Variants in PAK1 observed in about 807,000 individuals in gnomAD.
PAK1 encodes the protein serine/threonine-protein kinase PAK 1.
PAK1 carries 29 observed loss-of-function variants against 67.4 expected under a neutral mutation model. The ratio of observed to expected loss-of-function variants is 0.43; its 90% confidence interval spans 0.32 to 0.59. The LOEUF is 0.59. Ranked by LOEUF, PAK1 falls within the 20% of genes least tolerant of loss-of-function variation. The pLI, the probability that PAK1 is intolerant of heterozygous loss-of-function variation, is 0.07. For synonymous variants in PAK1, 223 were observed against 237.4 expected (o/e 0.94, Z 0.56); for missense variants, 337 against 670.7 (o/e 0.50, Z 5.50).
intron 14 of PAK1, among the ~76,000 whole-genome samples, chr11:77,328,801 A>G (rs1408212950): frequency 6.6e-6 from 1 of 152,144 alleles, no homozygotes; most frequent in African/African-American, 2.4e-5. Context: ...AACTGAAGGA[A>G]ATAGAGACAC....
At chr11:77,517,367 C>G in the PAK1 span, among the ~76,000 whole-genome samples, 1 of 152,162 alleles carries the variant, frequency 6.6e-6, no homozygotes, top group Non-Finnish European at 1.5e-5. Flanking sequence ...CTAGGTCTGC[C>G]CCACTGTGTA....
the PAK1 span, among the ~76,000 whole-genome samples, chr11:77,525,182 C>CAAAAA: frequency 3.7e-5 from 4 of 107,116 alleles, no homozygotes; most frequent in Admixed American, 2.0e-4. Context: ...CCACCCCTAT[C>CAAAAA]AAAAAAAAAA....
At chr11:77,352,805 A>G (rs1945451766) in intron 8 of PAK1, among the ~76,000 whole-genome samples, 1 of 152,190 alleles carries the variant, frequency 6.6e-6, no homozygotes, top group Non-Finnish European at 1.5e-5. Flanking sequence ...CTTGTAGCCT[A>G]GGAGCAAGAG....
intron 5 of PAK1, among the ~76,000 whole-genome samples, chr11:77,372,749 T>C (rs1948605745): frequency 1.3e-5 from 2 of 152,238 alleles, no homozygotes; most frequent in South Asian, 2.1e-4. Context: ...CAGTTCCCTG[T>C]GCAAGTATGC....
intron 5 of PAK1, among the ~76,000 whole-genome samples, chr11:77,369,413 T>C (rs1186097062): frequency 6.6e-6 from 1 of 150,900 alleles, no homozygotes; most frequent in East Asian, 1.9e-4. Context: ...TATTCACTTA[T>C]ATGCATTTGT....
the PAK1 span, among the ~76,000 whole-genome samples, chr11:77,510,051 C>T: frequency 6.6e-6 from 1 of 152,180 alleles, no homozygotes; most frequent in Non-Finnish European, 1.5e-5. Flanking sequence ...TCATGATTTT[C>T]AATTGCTGTT....
chr11:77,371,292 C>T (rs1226309619), intron 5 of PAK1, among the ~76,000 whole-genome samples: 1 of 152,196 alleles, frequency 6.6e-6, no homozygotes, highest in Non-Finnish European at 1.5e-5. Context: ...ACTCTGCAAA[C>T]TTCCTTGTAC....
chr11:77,339,176 T>G (rs1316063241), intron 11 of PAK1, among the ~76,000 whole-genome samples: 1 of 152,178 alleles, frequency 6.6e-6, no homozygotes, highest in African/African-American at 2.4e-5. Flanking sequence ...TTCCAAGTGC[T>G]TTTTGATCCA....
chr11:77,350,219 G>A lies in PAK1; in HGVS notation c.837-932C>T, dbSNP rs1035078574. On this transcript the variant is annotated intron_variant, in intron 8 of 14. Transcript: ENST00000356341. ...GTTTTCTGTAGTTTGTATTATAAAA[G>A]TGGTTTTTAGTTTTCATTTTTCAAA... Among the ~76,000 whole-genome samples, 8 of 152,196 alleles carry A rather than the reference G, an allele frequency of 5.3e-5. No homozygotes were observed. In the East Asian group the frequency reaches 1.4e-3, roughly 26 times the overall value.
At chr11:77,451,857 C>A (rs544227557) in intron 1 of PAK1, among the ~76,000 whole-genome samples, 1 of 152,152 alleles carries the variant, frequency 6.6e-6, no homozygotes, top group South Asian at 2.1e-4. Context: ...CCTCGGCCTC[C>A]CAAAGTGCTG....
chr11:77,380,646 C>T (rs563664662), intron 2 of PAK1, among the ~76,000 whole-genome samples: 40 of 152,254 alleles, frequency 2.6e-4, no homozygotes, highest in African/African-American at 9.4e-4. Flanking sequence ...TGGTTCTTTA[C>T]CCTCTCTGTT....
the PAK1 span, among the ~76,000 whole-genome samples, chr11:77,489,978 G>C: frequency 6.6e-6 from 1 of 150,878 alleles, no homozygotes; most frequent in Non-Finnish European, 1.5e-5. Flanking sequence ...GTCTCTGCCC[G>C]GCCGCCATCC....
chr11:77,348,757 T>C (rs1406080518), intron 9 of PAK1, among the ~76,000 whole-genome samples: 1 of 152,164 alleles, frequency 6.6e-6, no homozygotes, highest in African/African-American at 2.4e-5. Flanking sequence ...ATCTAACTAT[T>C]TCACCTTAGT....
At chr11:77,461,226 G>C (rs1237683459) in intron 1 of PAK1, among the ~76,000 whole-genome samples, 2 of 152,112 alleles carry the variant, frequency 1.3e-5, no homozygotes, top group Non-Finnish European at 2.9e-5. Flanking sequence ...ATTTATAATA[G>C]GAAAAGAAAA....
Position 77,322,922 on chromosome 11 carries a change from T to G in PAK1, c.*352A>C. ...TTGATAATATTATCAAACCATAAATTTATATAGTCAAGAATTAATTGTGGG... is the reference window on the plus strand; with the variant it reads ...TTGATAATATTATCAAACCATAAATGTATATAGTCAAGAATTAATTGTGGG... On this transcript the variant is annotated 3_prime_UTR_variant, in exon 15 of 15. Coordinates refer to ENST00000356341, the MANE Select transcript of PAK1 (RefSeq NM_002576.5). 1 of 569,234 alleles carries G rather than the reference T, an allele frequency of 1.8e-6. No individual in the cohort carries two copies. The highest frequency in any genetic ancestry group is 3.1e-6 in the Non-Finnish European group (1 of 322,888). 35.3% of individuals were successfully genotyped at this position (569,234 alleles called of 1,614,324 possible). A position where few individuals can be genotyped will look rare whatever the true frequency, so the allele number is the denominator to read the frequency against.
chr11:77,478,348 G>T (rs1054250607), upstream of PAK1, among the ~76,000 whole-genome samples: 24 of 151,986 alleles, frequency 1.6e-4, no homozygotes, highest in African/African-American at 5.8e-4. Flanking sequence ...CCTCATCATC[G>T]TTCTTTGAGC....
chr11:77,453,693 C>CA (rs755861221), intron 1 of PAK1, among the ~76,000 whole-genome samples: 54 of 152,204 alleles, frequency 3.5e-4, no homozygotes, highest in Non-Finnish European at 5.6e-4. Flanking sequence ...ATCCCTGTAA[C>CA]AGCCAAATAA....
At chr11:77,498,782 C>T in the PAK1 span, among the ~76,000 whole-genome samples, 5 of 140,128 alleles carry the variant, frequency 3.6e-5, no homozygotes, top group Non-Finnish European at 7.6e-5. Flanking sequence ...CTCACTGCAA[C>T]CTCCGCCTCC....
chr11:77,426,714 A>G (rs912012244), intron 1 of PAK1, among the ~76,000 whole-genome samples: 1 of 152,156 alleles, frequency 6.6e-6, no homozygotes. Flanking sequence ...GTAGGTAAGT[A>G]TACCTTGATT....
Sources: gnomAD v4.1 joint callset for allele counts (sites outside exome capture counted in the v4.1 genomes callset) on GRCh38, gnomAD v4.1.1 for gene constraint, MANE v1.5 for transcripts, NCBI Gene and HGNC (gene_info 2026-07-23, HGNC 2026-07-21) for gene names.